The following ZBTB20 variants were observed in gnomAD, a reference collection of about 807,000 sequenced individuals.
ZBTB20 encodes zinc finger and BTB domain containing 20.
ZBTB20 carries 9 observed loss-of-function variants against 56.9 expected under a neutral mutation model. That is an observed-to-expected ratio of 0.16 (90% confidence interval 0.10 to 0.28). The LOEUF (loss-of-function observed/expected upper bound fraction) is 0.28, where lower values mean the gene tolerates loss of function less well. Among genes scored for constraint, ZBTB20 ranks in the 10% least tolerant of loss-of-function variants. The pLI is 1.00. For synonymous variants in ZBTB20, 417 were observed against 420.7 expected, an observed-to-expected ratio of 0.99 and a Z score of 0.11; for missense variants, 655 against 1,003.0, an observed-to-expected ratio of 0.65 and a Z score of 4.69.
intron 7 of ZBTB20, among the ~76,000 whole-genome samples, chr3:114,435,832 CA>C (rs1405219119): frequency 6.6e-6 from 1 of 152,134 alleles, no homozygotes; most frequent in Non-Finnish European, 1.5e-5. Context: ...TCCTACATAA[CA>C]ATGTGCCTGG....
At chr3:114,783,791 CA>C (rs5851935) in intron 5 of ZBTB20, among the ~76,000 whole-genome samples, 17,772 of 130,822 alleles carry the variant, frequency 0.14, 1,312 homozygotes, top group African/African-American at 0.25. Context: ...GACTCTGCCT[CA>C]AAAAAAAAAA....
chr3:114,392,334 C>T (rs2085952359), intron 7 of ZBTB20, among the ~76,000 whole-genome samples: 1 of 152,190 alleles, frequency 6.6e-6, no homozygotes, highest in Admixed American at 6.5e-5. Flanking sequence ...ATGCCCCGTT[C>T]TCCATGATGG....
In ZBTB20 at chr3:114,329,910, C is replaced by T. The variant is rs1015235886; in HGVS notation, c.*9095G>A. Reference sequence around the variant, plus strand: ...AGGTAATTCACTGTCTTACGCTTTTCAGAAGACTGGCCCTTTGAAACGCAG... The same window carrying T: ...AGGTAATTCACTGTCTTACGCTTTTTAGAAGACTGGCCCTTTGAAACGCAG... On this transcript the variant is annotated 3_prime_UTR_variant, in exon 12 of 12. Transcript: ENST00000675478. The T allele has an allele frequency of 6.6e-6, 1 of 152,120 alleles. No individual in the cohort carries two copies. Among genetic ancestry groups the T allele is most frequent in the African/African-American group, 2.4e-5 (1 of 41,434 alleles). The allele number at this position is 152,120 out of a possible 1,614,324, so 9.4% of individuals were successfully genotyped here.
At chr3:114,694,327 C>A (rs1209401858) in intron 5 of ZBTB20, among the ~76,000 whole-genome samples, 1 of 151,994 alleles carries the variant, frequency 6.6e-6, no homozygotes, top group Non-Finnish European at 1.5e-5. Flanking sequence ...AAAAACTGCT[C>A]ATCTAACAGG....
rs1323230781 is a variant in ZBTB20, at chr3:114,844,562, C to A, written c.-416-43388G>T. ...AAAAAAAAAAAAAAAACTTTCATTT[C>A]TCTTGTGTAAACATGTAGGCATGAA... On this transcript the variant is annotated intron_variant, in intron 4 of 11. Coordinates refer to ENST00000675478, the MANE Select transcript of ZBTB20 (RefSeq NM_001348800.3). 2.1e-4 allele frequency among the ~76,000 whole-genome samples: 19 copies of A among 90,194 alleles called. 1 individual carries two copies. In the South Asian group the frequency reaches 7.6e-3, roughly 36 times the overall value. 59.2% of individuals were successfully genotyped at this position (90,194 alleles called of 152,430 possible).
chr3:114,969,503 G>A (rs890155569), intron 3 of ZBTB20, among the ~76,000 whole-genome samples: 11 of 152,060 alleles, frequency 7.2e-5, no homozygotes, highest in Admixed American at 6.6e-4. Context: ...ATTTCTATAC[G>A]TATACTGGTA....
chr3:114,748,887 G>A (rs1344418839), intron 5 of ZBTB20, among the ~76,000 whole-genome samples: 2 of 152,092 alleles, frequency 1.3e-5, no homozygotes, highest in Admixed American at 1.3e-4. Context: ...CATTTAAAAT[G>A]CTTTAATTGC....
chr3:114,481,560 T>TA (rs2041547158), intron 7 of ZBTB20, among the ~76,000 whole-genome samples: 4 of 152,216 alleles, frequency 2.6e-5, no homozygotes, highest in Admixed American at 2.6e-4. Context: ...CTGTTAGGCC[T>TA]TCTCTGAGAA....
intron 3 of ZBTB20, among the ~76,000 whole-genome samples, chr3:114,908,250 C>T (rs1165790194): frequency 6.6e-6 from 1 of 151,810 alleles, no homozygotes; most frequent in Non-Finnish European, 1.5e-5. Flanking sequence ...TATAAAGGTC[C>T]TATAGAAACA....
intron 6 of ZBTB20, among the ~76,000 whole-genome samples, chr3:114,639,469 G>GCT (rs746735014): frequency 8.2e-6 from 1 of 122,654 alleles, no homozygotes; most frequent in African/African-American, 2.9e-5. Context: ...AATTTCATTA[G>GCT]TTTTTTTTTT....
At chr3:114,598,322 T>G (rs924576686) in intron 6 of ZBTB20, among the ~76,000 whole-genome samples, 1 of 151,958 alleles carries the variant, frequency 6.6e-6, no homozygotes, top group Non-Finnish European at 1.5e-5. Context: ...CTTCATTATA[T>G]AAGTAATAGT....
At chr3:114,876,707 T>C (rs910361747) in intron 4 of ZBTB20, among the ~76,000 whole-genome samples, 51 of 152,142 alleles carry the variant, frequency 3.4e-4, no homozygotes, top group African/African-American at 1.2e-3. Context: ...ACTATTAATT[T>C]GGGACTACAA....
intron 1 of ZBTB20, among the ~76,000 whole-genome samples, chr3:115,113,173 C>T (rs2083927302): frequency 6.6e-6 from 1 of 152,032 alleles, no homozygotes; most frequent in South Asian, 2.1e-4. Flanking sequence ...GTTTGAGTTC[C>T]TTATATATTC....
chr3:114,876,842 T>C (rs923236344), intron 4 of ZBTB20, among the ~76,000 whole-genome samples: 4 of 152,310 alleles, frequency 2.6e-5, no homozygotes, highest in African/African-American at 9.6e-5. Context: ...TACCCATAGA[T>C]TGGAAATTCT....
chr3:114,924,717 C>T (rs2076086509), intron 3 of ZBTB20, among the ~76,000 whole-genome samples: 1 of 152,054 alleles, frequency 6.6e-6, no homozygotes, highest in African/African-American at 2.4e-5. Context: ...AATCACAATG[C>T]ACACTTTCAC....
intron 7 of ZBTB20, among the ~76,000 whole-genome samples, chr3:114,459,777 G>T (rs1319845477): frequency 6.6e-6 from 1 of 152,046 alleles, no homozygotes; most frequent in Non-Finnish European, 1.5e-5. Flanking sequence ...AAAAGCACTT[G>T]TTTTGGTTAT....
At chr3:114,942,899 A>G (rs1441738411) in intron 3 of ZBTB20, among the ~76,000 whole-genome samples, 2 of 145,528 alleles carry the variant, frequency 1.4e-5, no homozygotes. Flanking sequence ...CACAGCCAAG[A>G]CATGAAGAAT....
chr3:114,343,724 T>G (rs1233337347), intron 11 of ZBTB20, among the ~76,000 whole-genome samples: 1 of 152,226 alleles, frequency 6.6e-6, no homozygotes, highest in African/African-American at 2.4e-5. Context: ...CTGCAGAGTC[T>G]AGTCTCCGTC....
chr3:114,618,079 G>GT (rs34473856), intron 6 of ZBTB20, among the ~76,000 whole-genome samples: 43,954 of 146,748 alleles, frequency 0.3, 8,099 homozygotes, highest in East Asian at 0.73. Context: ...AAAGATTTCT[G>GT]TTTTTTTTTT....
Sources: allele counts gnomAD v4.1 joint callset (sites outside exome capture counted in the v4.1 genomes callset), GRCh38; gene constraint gnomAD v4.1.1; transcripts MANE v1.5; gene names NCBI Gene and HGNC (gene_info 2026-07-23, HGNC 2026-07-21).